TCF7L1: variants seen among roughly 807,000 people sequenced by gnomAD.
TCF7L1 encodes transcription factor 7 like 1.
TCF7L1 carries 18 observed loss-of-function variants against 63.7 expected under a neutral mutation model. That is an observed-to-expected ratio of 0.28 (90% CI 0.20 to 0.42). TCF7L1 has a LOEUF of 0.42. TCF7L1 is among the 10% of genes least tolerant of loss of function. The probability of loss-of-function intolerance (pLI) is 1.00; values close to 1 mark genes in which losing one functional copy is unlikely to be tolerated. For missense variants in TCF7L1, 654 were observed against 779.3 expected (o/e 0.84, Z 1.91); for synonymous variants, 355 against 340.9 (o/e 1.04, Z -0.46).
chr2:85,185,168 G>A (rs1390501381), intron 3 of TCF7L1, among the ~76,000 whole-genome samples: 7 of 152,186 alleles, frequency 4.6e-5, no homozygotes, highest in Admixed American at 4.6e-4. Flanking sequence ...AGGAGAGTGT[G>A]CCCTAGTAAT....
intron 3 of TCF7L1, among the ~76,000 whole-genome samples, chr2:85,202,062 A>G (rs974117129): frequency 2.0e-5 from 3 of 152,124 alleles, no homozygotes; most frequent in Non-Finnish European, 4.4e-5. Flanking sequence ...TTGCAAATTC[A>G]AGTGATTCTC....
chr2:85,173,312 G>A (rs1678597436), intron 3 of TCF7L1, among the ~76,000 whole-genome samples: 1 of 152,164 alleles, frequency 6.6e-6, no homozygotes, highest in Non-Finnish European at 1.5e-5. Flanking sequence ...GAGGAGCAGG[G>A]GAGTGGGTAC....
At chr2:85,303,183 A>G (rs965753541) in intron 5 of TCF7L1, among the ~76,000 whole-genome samples, 2 of 152,228 alleles carry the variant, frequency 1.3e-5, no homozygotes, top group African/African-American at 4.8e-5. Context: ...GGCGCATGCC[A>G]CCATGCCCTT....
At chr2:85,160,727 C>T (rs1479474758) in intron 3 of TCF7L1, among the ~76,000 whole-genome samples, 2 of 152,170 alleles carry the variant, frequency 1.3e-5, no homozygotes, top group East Asian at 3.9e-4. Flanking sequence ...TGGTAGCAAG[C>T]CCCTGTCCCA....
chr2:85,233,149 G>T (rs1680120573), intron 3 of TCF7L1: 1 of 151,952 alleles, frequency 6.6e-6, no homozygotes, highest in Non-Finnish European at 1.5e-5. Flanking sequence ...GCCCAGGCAG[G>T]TTTTGAACTC....
intron 3 of TCF7L1, among the ~76,000 whole-genome samples, chr2:85,191,074 C>T (rs139764695): frequency 6.7e-6 from 1 of 149,232 alleles, no homozygotes; most frequent in East Asian, 1.9e-4. Context: ...AATACCTCTA[C>T]TAGTCTTTAA....
At position 85,299,403 on chromosome 2, in the gene TCF7L1, T is replaced by A. The variant is rs556739303; in HGVS notation, c.526-3081T>A. Among the ~76,000 whole-genome samples, 46 of 150,930 alleles carry A rather than the reference T, an allele frequency of 3.0e-4. 1 individual carries two copies. In the South Asian group the frequency reaches 7.3e-3, roughly 24 times the overall value. On this transcript the variant is annotated intron_variant, in intron 4 of 11. Transcript: ENST00000282111. ...CATCTCTACTAAAAATACAAAAAAATTAGCCGGACATGGTGGTGGGTGCCT... is the reference window on the plus strand; with the variant it reads ...CATCTCTACTAAAAATACAAAAAAAATAGCCGGACATGGTGGTGGGTGCCT...
chr2:85,140,342 G>C (rs1255187992), intron 3 of TCF7L1, among the ~76,000 whole-genome samples: 1 of 152,194 alleles, frequency 6.6e-6, no homozygotes, highest in African/African-American at 2.4e-5. Context: ...GGGGATGATT[G>C]AAACTGGCTG....
chr2:85,161,456 C>T (rs939284024), intron 3 of TCF7L1, among the ~76,000 whole-genome samples: 6 of 152,128 alleles, frequency 3.9e-5, no homozygotes, highest in East Asian at 1.9e-4. Flanking sequence ...GCTTCGGGGC[C>T]GGTGGAGCTG....
rs374817493 is a variant in TCF7L1, at chr2:85,247,648, G to A, written c.442-35847G>A. Among the ~76,000 whole-genome samples the A allele has an allele frequency of 1.8e-3, 280 of 152,196 alleles. 1 individual carries two copies. The highest frequency in any genetic ancestry group is 6.3e-3 in the African/African-American group (261 of 41,518). On this transcript the variant is annotated intron_variant, in intron 3 of 11. Coordinates refer to ENST00000282111, the MANE Select transcript of TCF7L1 (RefSeq NM_031283.3). ...CCAAAATTGTGAGGGTTTGAAAATC[G>A]GCTTTAAATTTAGAGCATGCCCATG...
At chr2:85,171,316 AG>A (rs1195192276) in intron 3 of TCF7L1, among the ~76,000 whole-genome samples, 3 of 152,210 alleles carry the variant, frequency 2.0e-5, no homozygotes, top group African/African-American at 7.2e-5. Flanking sequence ...GTGGGGTCAG[AG>A]CCAAACCACA....
In TCF7L1 at chr2:85,133,711, C is replaced by G; in HGVS notation, c.27C>G (p.Gly9=). Residue 9 remains glycine, a synonymous_variant, in exon 1 of 12, where the codon GGC becomes GGG. Transcript: ENST00000282111. This position sits in a 1 kb window ranked among gnomAD's most constrained non-coding sequence, Gnocchi z 4.4. MPQLGGGG[G]GGGGGSGGGG... is the part of the protein sequence containing the mutation. ...TGCCCCAGCTCGGCGGCGGGGGCGG[C>G]GGCGGCGGCGGCGGCAGCGGGGGAG... 4 of 1,059,772 alleles carry G rather than the reference C, an allele frequency of 3.8e-6. No individual in the cohort carries two copies. The highest frequency in any genetic ancestry group is 1.1e-4 in the Admixed American group (2 of 18,888). The allele number at this position is 1,059,772 out of a possible 1,614,324, so 65.6% of individuals were successfully genotyped here.
rs549524107 is a variant in TCF7L1, at chr2:85,189,389, A to G, written c.441+54939A>G. On this transcript the variant is annotated intron_variant, in intron 3 of 11. Transcript: ENST00000282111. ...TGTCAGGAATGCTGCTTACAGATGT[A>G]CATGATGGGCACATGGAGGCGCCCT... is the stretch of plus-strand genomic sequence containing the variant. Among the ~76,000 whole-genome samples, 4 of 152,356 alleles carry G rather than the reference A, an allele frequency of 2.6e-5. No homozygotes were observed. The South Asian group carries it at 8.3e-4, about 32-fold the overall frequency.
chr2:85,168,985 A>C (rs1389677862), intron 3 of TCF7L1, among the ~76,000 whole-genome samples: 1 of 152,194 alleles, frequency 6.6e-6, no homozygotes, highest in Non-Finnish European at 1.5e-5. Flanking sequence ...CCAGGACAGA[A>C]TAAATCTGAG....
intron 3 of TCF7L1, among the ~76,000 whole-genome samples, chr2:85,259,571 T>C (rs986237516): frequency 6.6e-6 from 1 of 152,220 alleles, no homozygotes; most frequent in Non-Finnish European, 1.5e-5. Flanking sequence ...TCAGCCCTGT[T>C]TACTATTGAA....
At chr2:85,166,116 A>G (rs1678411886) in intron 3 of TCF7L1, among the ~76,000 whole-genome samples, 1 of 152,222 alleles carries the variant, frequency 6.6e-6, no homozygotes. Context: ...CTCAGGTCAC[A>G]GTGGTGGTTG....
intron 11 of TCF7L1, among the ~76,000 whole-genome samples, chr2:85,308,458 TC>T (rs1682188458): frequency 2.2e-5 from 1 of 46,338 alleles, no homozygotes; most frequent in Non-Finnish European, 3.7e-5. Context: ...TTTCCCTCCC[TC>T]TCTTTCCCTC....
chr2:85,217,427 A>G (rs138867414), intron 3 of TCF7L1, among the ~76,000 whole-genome samples: 1,884 of 152,314 alleles, frequency 0.012, 20 homozygotes, highest in Non-Finnish European at 0.018. Flanking sequence ...GGGAAGACAC[A>G]TTCTGCTCAC....
chr2:85,263,753 G>A (rs1558650173), intron 3 of TCF7L1, among the ~76,000 whole-genome samples: 1 of 152,246 alleles, frequency 6.6e-6, no homozygotes, highest in Non-Finnish European at 1.5e-5. Context: ...GCCAGCTGCA[G>A]AGATGAGCGT....
Sources: gnomAD v4.1 joint callset for allele counts (sites outside exome capture counted in the v4.1 genomes callset) on GRCh38, gnomAD v4.1.1 for gene constraint, Gnocchi (gnomAD v3.1) non-coding constraint, MANE v1.5 for transcripts, NCBI Gene and HGNC (gene_info 2026-07-23, HGNC 2026-07-21) for gene names.